The following UBE2K variants were observed in gnomAD, a reference collection of about 807,000 sequenced individuals.
The protein encoded by UBE2K is ubiquitin-conjugating enzyme E2 K.
In UBE2K, 6 loss-of-function variants were observed where a neutral mutation model predicts 30.0. The ratio of observed to expected loss-of-function variants is 0.20; its 90% CI spans 0.11 to 0.39. UBE2K has a LOEUF of 0.39. UBE2K is among the 10% of genes least tolerant of loss of function. UBE2K has a pLI of 1.00. For synonymous variants in UBE2K, 86 were observed against 83.7 expected (o/e 1.03, Z -0.15); for missense variants, 61 against 241.6 (o/e 0.25, Z 4.96).
At chr4:39,718,232 C>T (rs1719212816) in intron 1 of UBE2K, among the ~76,000 whole-genome samples, 1 of 152,096 alleles carries the variant, frequency 6.6e-6, no homozygotes, top group Non-Finnish European at 1.5e-5. Context: ...GTTTACAATC[C>T]CTGAGCTAGA....
chr4:39,772,065 G>A (rs1712917617), intron 4 of UBE2K, among the ~76,000 whole-genome samples: 1 of 152,092 alleles, frequency 6.6e-6, no homozygotes, highest in African/African-American at 2.4e-5. Flanking sequence ...TCAAACTCCT[G>A]GCCTCAAGTG....
chr4:39,740,415 G>A (rs922475461), intron 2 of UBE2K, among the ~76,000 whole-genome samples: 3 of 152,004 alleles, frequency 2.0e-5, no homozygotes, highest in Non-Finnish European at 2.9e-5. Flanking sequence ...GGTGGTGGGC[G>A]CCTGTGGTCC....
chr4:39,767,649 G>A (rs1309581064), intron 4 of UBE2K, among the ~76,000 whole-genome samples: 2 of 152,084 alleles, frequency 1.3e-5, no homozygotes, highest in African/African-American at 4.8e-5. Flanking sequence ...CAAGAAAAGT[G>A]TTTATTGCCT....
chr4:39,770,750 C>T (rs1384705170), intron 4 of UBE2K: 23 of 1,582,940 alleles, frequency 1.5e-5, no homozygotes, highest in African/African-American at 2.7e-5. Context: ...TGCCCAGGCC[C>T]CCTCCCAGGC....
chr4:39,734,375 G>T (rs1411099063), intron 1 of UBE2K, among the ~76,000 whole-genome samples: 1 of 151,948 alleles, frequency 6.6e-6, no homozygotes, highest in African/African-American at 2.4e-5. Flanking sequence ...GCATGCACCT[G>T]ACCAGAATGC....
chr4:39,706,067 A>G (rs1366822873), intron 1 of UBE2K, among the ~76,000 whole-genome samples: 1 of 152,174 alleles, frequency 6.6e-6, no homozygotes, highest in Admixed American at 6.5e-5. Context: ...GCTGGAGTGC[A>G]GTGGCGCTAT....
At chr4:39,701,152 A>C (rs2109298868) in intron 1 of UBE2K, among the ~76,000 whole-genome samples, 1 of 151,930 alleles carries the variant, frequency 6.6e-6, no homozygotes, top group South Asian at 2.1e-4. Context: ...TTTATTAATT[A>C]ATATTTATTT....
intron 3 of UBE2K, among the ~76,000 whole-genome samples, chr4:39,754,718 C>G (rs1177733388): frequency 2.0e-5 from 3 of 152,104 alleles, no homozygotes; most frequent in African/African-American, 7.2e-5. Context: ...GTTGCCCAGG[C>G]TGGTCTCAAA....
At chr4:39,755,854 A>C in intron 4 of UBE2K, 115 bp downstream of exon 4, 1 of 662,734 alleles carries the variant, frequency 1.5e-6, no homozygotes, top group Non-Finnish European at 2.3e-6. Flanking sequence ...TTTGGGCAGT[A>C]ACTTTAAAAG....
chr4:39,764,173 G>T (rs1712154405), intron 4 of UBE2K, among the ~76,000 whole-genome samples: 1 of 152,164 alleles, frequency 6.6e-6, no homozygotes, highest in African/African-American at 2.4e-5. Flanking sequence ...CTGGCAACAT[G>T]GCAAGACCCT....
intron 4 of UBE2K, among the ~76,000 whole-genome samples, chr4:39,764,563 C>T (rs531106006): frequency 2.0e-5 from 3 of 152,072 alleles, no homozygotes; most frequent in African/African-American, 7.2e-5. Context: ...CTTCCCACCT[C>T]AGCTTATCAC....
intron 4 of UBE2K, among the ~76,000 whole-genome samples, chr4:39,769,812 AAG>A (rs1221372613): frequency 6.6e-6 from 1 of 151,766 alleles, no homozygotes; most frequent in African/African-American, 2.4e-5. Context: ...ATGCGCCTCT[AAG>A]AGAAGGAAAT....
chr4:39,719,873 A>C (rs1184610020), intron 1 of UBE2K, among the ~76,000 whole-genome samples: 2 of 152,170 alleles, frequency 1.3e-5, no homozygotes, highest in Non-Finnish European at 2.9e-5. Flanking sequence ...GATAGTGTAC[A>C]TGTGTGAGAA....
Position 39,704,869 on chromosome 4 carries a change from CTTTTTTTTTTT to C in UBE2K, c.63+6490_63+6500del, listed in dbSNP as rs35972302. Among the ~76,000 whole-genome samples, 361 of 121,316 alleles carry C rather than the reference CTTTTTTTTTTT, an allele frequency of 3.0e-3. 2 individuals carry two copies. Among genetic ancestry groups the C allele is most frequent in the African/African-American group, 0.012 (348 of 28,852 alleles). The allele number at this position is 121,316 out of a possible 152,430, so 79.6% of individuals were successfully genotyped here. A position where few individuals can be genotyped will look rare whatever the true frequency, so the allele number is the denominator to read the frequency against. ...TCACCCCTTCTTAAAGACTATACAC[CTTTTTTTTTTT>C]TTTTTTTTTTAGACGGAGTCTCCCT... On this transcript the variant is annotated intron_variant, in intron 1 of 6. Transcript: ENST00000261427.
At chr4:39,730,727 G>A (rs1256091943) in intron 1 of UBE2K, among the ~76,000 whole-genome samples, 10 of 151,076 alleles carry the variant, frequency 6.6e-5, no homozygotes, top group Non-Finnish European at 8.8e-5. Flanking sequence ...CTGAGATTGC[G>A]CCACTGCACT....
In UBE2K at chr4:39,712,921, C is replaced by T. The variant is rs1433212533; in HGVS notation, c.63+14531C>T. Among the ~76,000 whole-genome samples the T allele has an allele frequency of 5.3e-5, 8 of 150,128 alleles. No homozygotes were observed. In the East Asian group the frequency reaches 7.9e-4, roughly 15 times the overall value. ...CGCTTTGTCGCCCAGACTGGAGTGC[C>T]GTGGCGCGATCTTGGCTCGCTGCAA... On this transcript the variant is annotated intron_variant, in intron 1 of 6. Coordinates refer to ENST00000261427, the MANE Select transcript of UBE2K (RefSeq NM_005339.5).
At chr4:39,742,329 C>G (rs1720748062) in intron 2 of UBE2K, among the ~76,000 whole-genome samples, 1 of 149,888 alleles carries the variant, frequency 6.7e-6, no homozygotes, top group African/African-American at 2.4e-5. Flanking sequence ...CTTCTCTTAC[C>G]TGTCAGTTTT....
intron 4 of UBE2K, chr4:39,771,521 A>G: frequency 1.4e-6 from 2 of 1,401,822 alleles, no homozygotes; most frequent in Non-Finnish European, 9.4e-7. Context: ...CGGGGCCGGA[A>G]GCGCCCCCCA....
At chr4:39,745,365 C>T (rs1258242931) in intron 2 of UBE2K, among the ~76,000 whole-genome samples, 3 of 149,254 alleles carry the variant, frequency 2.0e-5, no homozygotes, top group East Asian at 1.9e-4. Context: ...TCCTTGCCTT[C>T]TTTTTTTTTT....
Sources: gnomAD v4.1 joint callset for allele counts (sites outside exome capture counted in the v4.1 genomes callset) on GRCh38, gnomAD v4.1.1 for gene constraint, MANE v1.5 for transcripts, NCBI Gene and HGNC (gene_info 2026-07-23, HGNC 2026-07-21) for gene names.